DPYD: variants seen among roughly 807,000 people sequenced by gnomAD.
The protein encoded by DPYD is dihydropyrimidine dehydrogenase.
A neutral mutation model predicts 116.2 loss-of-function variants in DPYD; 109 were observed. The observed-to-expected ratio is 0.94, with a 90% CI of 0.80 to 1.10. DPYD has a LOEUF of 1.10. Ranked by LOEUF, DPYD falls within the 50% of genes least tolerant of loss-of-function variation. The pLI is 0.00. For synonymous variants in DPYD, 440 were observed against 432.0 expected (o/e 1.02, Z -0.23); for missense variants, 1,302 against 1,254.5 (o/e 1.04, Z -0.57).
chr1:97,786,554 T>C (rs1296687844), intron 3 of DPYD, among the ~76,000 whole-genome samples: 1 of 152,208 alleles, frequency 6.6e-6, no homozygotes, highest in Non-Finnish European at 1.5e-5. Context: ...CTTCTCATCC[T>C]GGAAATGTGC....
intron 20 of DPYD, among the ~76,000 whole-genome samples, chr1:97,119,937 A>G (rs117709737): frequency 3.9e-5 from 6 of 152,308 alleles, no homozygotes; most frequent in East Asian, 3.9e-4. Context: ...AGCTTACCAG[A>G]TGCAGAAATG....
At chr1:97,292,219 A>C (rs1044011725) in intron 18 of DPYD, among the ~76,000 whole-genome samples, 1 of 152,166 alleles carries the variant, frequency 6.6e-6, no homozygotes, top group Non-Finnish European at 1.5e-5. Flanking sequence ...CTGCTGTATT[A>C]TAAGCTACAT....
At chr1:97,709,555 A>G (rs1662168083) in intron 5 of DPYD, among the ~76,000 whole-genome samples, 1 of 151,746 alleles carries the variant, frequency 6.6e-6, no homozygotes, top group African/African-American at 2.4e-5. Flanking sequence ...CTCCAAATTG[A>G]CTTTACCAGC....
intron 13 of DPYD, 59 bp downstream of exon 13, chr1:97,515,667 A>T: frequency 6.8e-7 from 1 of 1,465,816 alleles, no homozygotes. Flanking sequence ...TATAATGTTT[A>T]TACCTTAATT....
intron 3 of DPYD, among the ~76,000 whole-genome samples, chr1:97,782,814 A>G (rs896252356): frequency 1.3e-5 from 2 of 152,216 alleles, no homozygotes; most frequent in Admixed American, 1.3e-4. Flanking sequence ...AAATGGTCAA[A>G]CTCCTTTGTT....
At chr1:97,657,974 T>C (rs754273604) in intron 8 of DPYD, among the ~76,000 whole-genome samples, 8 of 152,114 alleles carry the variant, frequency 5.3e-5, no homozygotes, top group South Asian at 4.1e-4. Context: ...TTGAGACCAA[T>C]AGATAGTTGA....
chr1:97,475,527 G>A (rs1677908916), intron 13 of DPYD, among the ~76,000 whole-genome samples: 1 of 152,182 alleles, frequency 6.6e-6, no homozygotes, highest in African/African-American at 2.4e-5. Flanking sequence ...GATATATTGG[G>A]AGAAAAGGAT....
chr1:97,456,830 AT>A (rs1255907131), intron 13 of DPYD, among the ~76,000 whole-genome samples: 1 of 152,146 alleles, frequency 6.6e-6, no homozygotes, highest in Non-Finnish European at 1.5e-5. Flanking sequence ...CAAAATAATT[AT>A]CATTTAGTGA....
intron 12 of DPYD, among the ~76,000 whole-genome samples, chr1:97,526,230 C>T (rs1649077984): frequency 6.6e-6 from 1 of 152,094 alleles, no homozygotes; most frequent in South Asian, 2.1e-4. Context: ...GCAGCCAGGC[C>T]TCCAGGAAGA....
intron 21 of DPYD, among the ~76,000 whole-genome samples, chr1:97,097,220 C>A (rs1232562884): frequency 6.6e-6 from 1 of 152,178 alleles, no homozygotes; most frequent in Non-Finnish European, 1.5e-5. Context: ...GAAGTGCTGG[C>A]ACGCTTTGTG....
intron 8 of DPYD, among the ~76,000 whole-genome samples, chr1:97,668,801 A>G (rs1237160614): frequency 6.6e-6 from 1 of 152,226 alleles, no homozygotes; most frequent in East Asian, 1.9e-4. Flanking sequence ...TTATTAGTAA[A>G]ATATAAATGA....
At chr1:97,439,820 CT>C (rs1002635301) in intron 14 of DPYD, among the ~76,000 whole-genome samples, 6 of 151,788 alleles carry the variant, frequency 4.0e-5, no homozygotes, top group African/African-American at 9.7e-5. Context: ...TAACTTGAGA[CT>C]TTTTTTCATT....
chr1:97,414,861 T>C (rs1674205046), intron 14 of DPYD, among the ~76,000 whole-genome samples: 2 of 152,260 alleles, frequency 1.3e-5, no homozygotes, highest in Admixed American at 1.3e-4. Flanking sequence ...GCCAGCTTCT[T>C]CCATCTATTC....
chr1:97,868,819 C>T (rs908995460), intron 2 of DPYD, among the ~76,000 whole-genome samples: 1 of 151,804 alleles, frequency 6.6e-6, no homozygotes, highest in Non-Finnish European at 1.5e-5. Context: ...TAAAACACCT[C>T]TATCTAGGTC....
Position 97,549,658 on chromosome 1 carries a change from C to A in DPYD, c.1426G>T (p.Val476Leu). ...CCAACGACATCACCACCTGCAAATACCCATGCTTCACTAGTTTGCATAGTT... is the reference window on the plus strand; with the variant it reads ...CCAACGACATCACCACCTGCAAATAACCATGCTTCACTAGTTTGCATAGTT... ...PETMQTSEAW[V>L]FAGGDVVGLA... The change falls in exon 12 of 23, where the codon GTA becomes TTA. Residue 476 changes from valine (V) to leucine (L), a missense_variant. Physicochemically the swap from Val to Leu is conservative, Grantham distance 32. Transcript: ENST00000370192. The A allele has an allele frequency of 6.2e-7, 1 of 1,613,872 alleles. No individual in the cohort carries two copies. The highest frequency in any genetic ancestry group is 8.5e-7 in the Non-Finnish European group (1 of 1,179,872).
At chr1:97,689,068 C>CT (rs200273261) in intron 7 of DPYD, among the ~76,000 whole-genome samples, 197 of 142,318 alleles carry the variant, frequency 1.4e-3, no homozygotes, top group Middle Eastern at 3.8e-3. Context: ...TATTATACCT[C>CT]TTTTTTTTTT....
chr1:97,782,064 G>C (rs1666775904), intron 3 of DPYD, among the ~76,000 whole-genome samples: 1 of 152,136 alleles, frequency 6.6e-6, no homozygotes. Context: ...ACACTGGAAG[G>C]TATTAGTACA....
intron 1 of DPYD, among the ~76,000 whole-genome samples, chr1:97,898,951 C>A (rs1673218830): frequency 1.3e-5 from 2 of 151,846 alleles, no homozygotes; most frequent in South Asian, 4.1e-4. Flanking sequence ...TATAAATTAT[C>A]CAGTTTCAGG....
intron 18 of DPYD, among the ~76,000 whole-genome samples, chr1:97,296,703 T>G (rs1053726108): frequency 1.3e-5 from 2 of 152,086 alleles, no homozygotes; most frequent in Admixed American, 1.3e-4. Flanking sequence ...TAGACATATA[T>G]TTTGTTAAAG....
Sources: allele counts gnomAD v4.1 joint callset (sites outside exome capture counted in the v4.1 genomes callset), GRCh38; gene constraint gnomAD v4.1.1; transcripts MANE v1.5; gene names NCBI Gene and HGNC (gene_info 2026-07-23, HGNC 2026-07-21).